MATN2: variants seen among roughly 807,000 people sequenced by gnomAD.
MATN2 encodes the protein matrilin 2, also known as matrilin-2.
In MATN2, 69 loss-of-function variants were observed where a neutral mutation model predicts 103.2. The observed-to-expected ratio is 0.67, with a 90% CI of 0.55 to 0.82. The LOEUF (loss-of-function observed/expected upper bound fraction) is 0.82. Ranked by LOEUF, MATN2 falls within the 40% of genes least tolerant of loss-of-function variation. MATN2 has a pLI of 0.00. For missense variants in MATN2, 1,023 were observed against 1,211.5 expected (o/e 0.84, Z 2.31); for synonymous variants, 429 against 450.2 (o/e 0.95, Z 0.60).
chr8:97,978,555 C>A (rs4734381), intron 5 of MATN2, among the ~76,000 whole-genome samples: 14,060 of 152,202 alleles, frequency 0.092, 918 homozygotes, highest in Admixed American at 0.19. Flanking sequence ...GCCTTTCTAC[C>A]ACTGGGTTTT....
Position 98,030,415 on chromosome 8 carries a change from G to A in MATN2, c.2357-47G>A, listed in dbSNP as rs1158620220. On this transcript the variant is annotated intron_variant, in intron 14 of 18. Transcript: ENST00000254898. The stretch of plus-strand genomic sequence containing the variant: ...CAGTACACACAACTTCCAGCCCCTG[G>A]GAACACAACTCTAACTAACTTGCTC... The A allele has an allele frequency of 5.2e-6, 8 of 1,552,474 alleles. No homozygotes were observed. The East Asian group carries it at 1.8e-4, about 35-fold the overall frequency.
At chr8:97,953,262 G>A (rs933919392) in intron 4 of MATN2, among the ~76,000 whole-genome samples, 3 of 152,154 alleles carry the variant, frequency 2.0e-5, no homozygotes, top group South Asian at 2.1e-4. Flanking sequence ...TGGGATGTGA[G>A]CAAAATTTGG....
intron 7 of MATN2, among the ~76,000 whole-genome samples, chr8:98,003,041 C>T (rs951914728): frequency 2.6e-5 from 4 of 152,236 alleles, no homozygotes; most frequent in Non-Finnish European, 4.4e-5. Flanking sequence ...CTCACAGCTC[C>T]CCAGGCATGC....
At chr8:98,008,728 G>A (rs530227475) in intron 10 of MATN2, among the ~76,000 whole-genome samples, 6 of 152,298 alleles carry the variant, frequency 3.9e-5, no homozygotes, top group East Asian at 1.9e-4. Flanking sequence ...GAACTGCATC[G>A]ACATTGACAG....
chr8:97,884,408 G>A (rs559540387), intron 1 of MATN2, among the ~76,000 whole-genome samples: 1 of 152,086 alleles, frequency 6.6e-6, no homozygotes, highest in South Asian at 2.1e-4. Flanking sequence ...CAAAGTGCTG[G>A]GATTACAGGT....
intron 7 of MATN2, among the ~76,000 whole-genome samples, chr8:98,002,932 G>C (rs1391302849): frequency 6.6e-6 from 1 of 151,884 alleles, no homozygotes; most frequent in Non-Finnish European, 1.5e-5. Flanking sequence ...ATCCATCCTG[G>C]GGCTTGCAAA....
chr8:97,939,402 G>A (rs1810480508), intron 3 of MATN2, among the ~76,000 whole-genome samples: 1 of 152,132 alleles, frequency 6.6e-6, no homozygotes, highest in South Asian at 2.1e-4. Flanking sequence ...AAAAAACCAC[G>A]GTGCTAAGTA....
chr8:97,976,558 T>A (rs139420061), intron 5 of MATN2, among the ~76,000 whole-genome samples: 2,678 of 152,328 alleles, frequency 0.018, 197 homozygotes, highest in Admixed American at 0.14. Context: ...CTTTTTAAAA[T>A]TTTACATATG....
rs562495431 is a variant in MATN2, at chr8:97,906,533, C to T, written c.142+18291C>T. Among the ~76,000 whole-genome samples, 8 of 152,334 alleles carry T rather than the reference C, an allele frequency of 5.3e-5. No individual in the cohort carries two copies. In the South Asian group the frequency reaches 1.7e-3, roughly 32 times the overall value. ...GGTCAGAACTGAGTCAGAGCTGGAG[C>T]TAAGCCATTGACCAACCAGCTACTG... On this transcript the variant is annotated intron_variant, in intron 2 of 18. Coordinates refer to ENST00000254898, the MANE Select transcript of MATN2 (RefSeq NM_002380.5).
chr8:97,891,844 G>A (rs1818642931), intron 2 of MATN2, among the ~76,000 whole-genome samples: 1 of 152,110 alleles, frequency 6.6e-6, no homozygotes, highest in Admixed American at 6.6e-5. Context: ...GCTCATGCCT[G>A]TAATTCCAGT....
chr8:97,917,609 C>T (rs1427509533), intron 2 of MATN2, among the ~76,000 whole-genome samples: 1 of 152,190 alleles, frequency 6.6e-6, no homozygotes, highest in Non-Finnish European at 1.5e-5. Context: ...TTCCTTTTCC[C>T]AAGCCATCTG....
At chr8:97,988,189 T>TATAC (rs71570279) in intron 6 of MATN2, among the ~76,000 whole-genome samples, 3,106 of 52,700 alleles carry the variant, frequency 0.059, 169 homozygotes, top group South Asian at 0.089. Context: ...TATATATATA[T>TATAC]ACACACACAC....
At position 97,932,146 on chromosome 8, in the gene MATN2, C is replaced by T. The variant is rs1040570547; in HGVS notation, c.712+624C>T. ...GGGAGATTGCCCTGGGGAAGGGACA[C>T]GTAAGCCCAAACCACAGAATGAGGA... On this transcript the variant is annotated intron_variant, in intron 3 of 18. Coordinates refer to ENST00000254898, the MANE Select transcript of MATN2 (RefSeq NM_002380.5). Among the ~76,000 whole-genome samples the T allele has an allele frequency of 1.3e-4, 20 of 152,220 alleles. No homozygotes were observed. The East Asian group carries it at 2.7e-3, about 21-fold the overall frequency.
chr8:97,919,418 G>A (rs1471293875), intron 2 of MATN2, among the ~76,000 whole-genome samples: 1 of 152,164 alleles, frequency 6.6e-6, no homozygotes, highest in Non-Finnish European at 1.5e-5. Context: ...TTTTAGTAGA[G>A]GCAGGGTTTC....
intron 2 of MATN2, among the ~76,000 whole-genome samples, chr8:97,909,625 A>G (rs531868018): frequency 6.6e-6 from 1 of 152,274 alleles, no homozygotes; most frequent in Admixed American, 6.5e-5. Context: ...TGTTCAGTAC[A>G]GCAGGGAGGC....
chr8:98,008,222 C>T (rs1813038658), intron 10 of MATN2, among the ~76,000 whole-genome samples: 1 of 100,298 alleles, frequency 1.0e-5, no homozygotes, highest in Admixed American at 1.1e-4. Context: ...GGTCCCAAAT[C>T]TTGTCTCAAT....
chr8:97,874,015 T>A (rs548007149), intron 1 of MATN2, among the ~76,000 whole-genome samples: 1 of 152,278 alleles, frequency 6.6e-6, no homozygotes, highest in South Asian at 2.1e-4. Context: ...TCCTCTTCCA[T>A]TTCTAGTGAA....
chr8:97,994,054 GAGAAAGAAAGAAAGAAAGAAAA>G (rs1421013247), intron 6 of MATN2, among the ~76,000 whole-genome samples: 40 of 141,146 alleles, frequency 2.8e-4, no homozygotes, highest in Admixed American at 2.5e-3. Flanking sequence ...GAAAGGAAGA[GAGAAAGAAAGAAAGAAAGAAAA>G]AGAAAGAAAG....
At chr8:98,020,697 C>T (rs16896564) in intron 12 of MATN2, among the ~76,000 whole-genome samples, 14,204 of 152,112 alleles carry the variant, frequency 0.093, 938 homozygotes, top group Admixed American at 0.19. Context: ...GAGGAGCACT[C>T]GGGAGACAGC....
Sources: gnomAD v4.1 joint callset for allele counts (sites outside exome capture counted in the v4.1 genomes callset) on GRCh38, gnomAD v4.1.1 for gene constraint, MANE v1.5 for transcripts, NCBI Gene and HGNC (gene_info 2026-07-23, HGNC 2026-07-21) for gene names.